The following SPIDR variants were observed in gnomAD, a reference collection of about 807,000 sequenced individuals.
SPIDR encodes the protein scaffold protein involved in DNA repair.
A neutral mutation model predicts 104.6 loss-of-function variants in SPIDR; 93 were observed. The observed-to-expected ratio is 0.89, with a 90% CI of 0.75 to 1.06. SPIDR has a LOEUF of 1.06. Among genes scored for constraint, SPIDR ranks in the 50% least tolerant of loss-of-function variants. The pLI, the probability that SPIDR is intolerant of heterozygous loss-of-function variation, is 0.00. For synonymous variants in SPIDR, 431 were observed against 416.9 expected (o/e 1.03, Z -0.41); for missense variants, 1,154 against 1,111.2 (o/e 1.04, Z -0.55).
intron 5 of SPIDR, among the ~76,000 whole-genome samples, chr8:47,334,315 T>C (rs1202583742): frequency 6.6e-6 from 1 of 152,228 alleles, no homozygotes; most frequent in African/African-American, 2.4e-5. Flanking sequence ...TGTTCAAATA[T>C]ATCTTTATGG....
intron 8 of SPIDR, among the ~76,000 whole-genome samples, chr8:47,508,229 A>G (rs1197457613): frequency 1.3e-5 from 2 of 152,238 alleles, no homozygotes. Context: ...CAGAACCAGA[A>G]TTGACACAGT....
At chr8:47,504,174 G>T (rs1233996499) in intron 8 of SPIDR, among the ~76,000 whole-genome samples, 1 of 152,122 alleles carries the variant, frequency 6.6e-6, no homozygotes, top group Non-Finnish European at 1.5e-5. Context: ...GAATTTGAAT[G>T]TTGGCCTGCC....
At position 47,352,844 on chromosome 8, in the gene SPIDR, G is replaced by A. The variant is rs377672233; in HGVS notation, c.526-43532G>A. Reference sequence around the variant, plus strand: ...TTTGGTAGGCCGAGTCGATGAGGTTGAGAGATCGAGACCATCCTGGCCAAC... The same window carrying A: ...TTTGGTAGGCCGAGTCGATGAGGTTAAGAGATCGAGACCATCCTGGCCAAC... On this transcript the variant is annotated intron_variant, in intron 5 of 19. Coordinates refer to ENST00000297423, the MANE Select transcript of SPIDR (RefSeq NM_001080394.4). Among the ~76,000 whole-genome samples, 93 of 151,988 alleles carry A rather than the reference G, an allele frequency of 6.1e-4. No homozygotes were observed. In the East Asian group the frequency reaches 0.013, roughly 21 times the overall value.
intron 10 of SPIDR, among the ~76,000 whole-genome samples, chr8:47,607,751 A>G (rs2063133578): frequency 6.6e-6 from 1 of 151,984 alleles, no homozygotes. Context: ...ATTGACATCC[A>G]GACCCTTTAT....
At chr8:47,583,024 G>T (rs1045139881) in intron 8 of SPIDR, among the ~76,000 whole-genome samples, 2 of 151,552 alleles carry the variant, frequency 1.3e-5, no homozygotes, top group South Asian at 4.2e-4. Context: ...CCACATTTTA[G>T]CCTGTCCTAC....
At position 47,669,101 on chromosome 8, in the gene SPIDR, C is replaced by G. The variant is rs147638670; in HGVS notation, c.1545-4700C>G. 1.8e-4 allele frequency among the ~76,000 whole-genome samples: 28 copies of G among 152,268 alleles called. No individual in the cohort carries two copies. In the East Asian group the frequency reaches 5.4e-3, roughly 29 times the overall value. On this transcript the variant is annotated intron_variant, in intron 10 of 19. Transcript: ENST00000297423. Reference sequence around the variant, plus strand: ...AGTTCAAGCTCATACAGATAAGCAACTTTTGCAAGATCCAAAGTTATTAAC... The same window carrying G: ...AGTTCAAGCTCATACAGATAAGCAAGTTTTGCAAGATCCAAAGTTATTAAC...
intron 7 of SPIDR, among the ~76,000 whole-genome samples, chr8:47,428,337 T>A (rs1016476934): frequency 3.9e-5 from 6 of 152,240 alleles, no homozygotes; most frequent in African/African-American, 1.2e-4. Context: ...TGCGGTATTT[T>A]CCAATAATTA....
intron 11 of SPIDR, among the ~76,000 whole-genome samples, chr8:47,694,445 A>G (rs575835370): frequency 6.6e-6 from 1 of 152,258 alleles, no homozygotes; most frequent in South Asian, 2.1e-4. Flanking sequence ...CATGTAAAAG[A>G]TAAGCGGGGA....
chr8:47,494,883 T>C (rs1379307875), intron 8 of SPIDR, among the ~76,000 whole-genome samples: 1 of 152,208 alleles, frequency 6.6e-6, no homozygotes, highest in Non-Finnish European at 1.5e-5. Context: ...ATGAAAAATT[T>C]ATGCATCTTT....
At chr8:47,647,789 G>A (rs1443491461) in intron 10 of SPIDR, among the ~76,000 whole-genome samples, 1 of 152,170 alleles carries the variant, frequency 6.6e-6, no homozygotes, top group African/African-American at 2.4e-5. Context: ...AAGTCTCACT[G>A]ACAAGTTAAT....
intron 5 of SPIDR, among the ~76,000 whole-genome samples, chr8:47,349,986 G>A (rs12543823): frequency 0.55 from 84,355 of 152,078 alleles, 25,834 homozygotes; most frequent in East Asian, 0.72. Flanking sequence ...CCACTGTCCA[G>A]CCAGTCCCAG....
At chr8:47,280,436 A>G (rs1170892216) in intron 2 of SPIDR, among the ~76,000 whole-genome samples, 1 of 145,088 alleles carries the variant, frequency 6.9e-6, no homozygotes, top group Non-Finnish European at 1.5e-5. Flanking sequence ...TTTGTCACCC[A>G]GGCTGGAGTG....
chr8:47,422,077 G>A (rs182366937), intron 7 of SPIDR, among the ~76,000 whole-genome samples: 47 of 152,344 alleles, frequency 3.1e-4, no homozygotes, highest in African/African-American at 1.1e-3. Context: ...TGAGGAGGCA[G>A]TGTGTCCGTT....
At chr8:47,598,372 G>A (rs573401157) in intron 9 of SPIDR, among the ~76,000 whole-genome samples, 1 of 152,274 alleles carries the variant, frequency 6.6e-6, no homozygotes, top group African/African-American at 2.4e-5. Context: ...GGGTGATTGT[G>A]TGAGGGTAAG....
chr8:47,444,807 C>T (rs2070240276), intron 8 of SPIDR, among the ~76,000 whole-genome samples: 1 of 152,158 alleles, frequency 6.6e-6, no homozygotes, highest in Admixed American at 6.5e-5. Flanking sequence ...TCACACCACA[C>T]TCAACATTTT....
intron 6 of SPIDR, among the ~76,000 whole-genome samples, chr8:47,398,344 A>C (rs1554659970): frequency 1.3e-5 from 2 of 152,180 alleles, no homozygotes; most frequent in Non-Finnish European, 2.9e-5. Context: ...ACAGAGAGCA[A>C]AGGTGAATGG....
At chr8:47,372,119 G>A (rs1474765325) in intron 5 of SPIDR, among the ~76,000 whole-genome samples, 1 of 152,136 alleles carries the variant, frequency 6.6e-6, no homozygotes, top group Non-Finnish European at 1.5e-5. Flanking sequence ...GTCCACCCAT[G>A]TCCCTGATCT....
intron 8 of SPIDR, among the ~76,000 whole-genome samples, chr8:47,476,961 A>T (rs548845489): frequency 5.3e-5 from 8 of 152,330 alleles, no homozygotes; most frequent in African/African-American, 1.7e-4. Context: ...GAACAAATAT[A>T]ACCTGTTTAA....
intron 19 of SPIDR, among the ~76,000 whole-genome samples, chr8:47,730,241 A>ATT (rs2084981030): frequency 6.6e-6 from 1 of 152,230 alleles, no homozygotes; most frequent in African/African-American, 2.4e-5. Flanking sequence ...AAGCCACCTA[A>ATT]ATATATAATT....
Sources: allele counts gnomAD v4.1 joint callset (sites outside exome capture counted in the v4.1 genomes callset), GRCh38; gene constraint gnomAD v4.1.1; transcripts MANE v1.5; gene names NCBI Gene and HGNC (gene_info 2026-07-23, HGNC 2026-07-21).